MAGI2: variants seen among roughly 807,000 people sequenced by gnomAD.
MAGI2 encodes the protein membrane-associated guanylate kinase, WW and PDZ domain-containing protein 2.
MAGI2 carries 35 observed loss-of-function variants against 133.3 expected under a neutral mutation model. That is an observed-to-expected ratio of 0.26 (90% CI 0.20 to 0.35). The LOEUF is 0.35. MAGI2 is among the 10% of genes least tolerant of loss of function. The pLI, the probability that MAGI2 is intolerant of heterozygous loss-of-function variation, is 1.00. For missense variants in MAGI2, 1,636 were observed against 1,863.4 expected, an observed-to-expected ratio of 0.88 and a Z score of 2.25; for synonymous variants, 729 against 710.6, an observed-to-expected ratio of 1.03 and a Z score of -0.41.
In MAGI2 at chr7:78,141,522, GT is replaced by G. The variant is rs569508863; in HGVS notation, c.2846-6317del. Among the ~76,000 whole-genome samples the G allele has an allele frequency of 6.6e-4, 101 of 152,062 alleles. 2 individuals carry two copies. The East Asian group carries it at 0.016, about 24-fold the overall frequency. ...AAAAACATGTGTTTTGTATTTTAAA[GT>G]TTTTTTTGGTGGCAAAATTAAGAAA... On this transcript the variant is annotated intron_variant, in intron 16 of 21. Transcript: ENST00000354212.
At position 78,019,598 on chromosome 7, in the gene MAGI2, C is replaced by CGCGCCGCGT. The variant is rs1321668927; in HGVS notation, c.4076_4084dup (p.Ala1361_Arg1362insHisAlaAla). 5 of 981,148 alleles carry CGCGCCGCGT rather than the reference C, an allele frequency of 5.1e-6. No homozygotes were observed. The highest frequency in any genetic ancestry group is 1.8e-5 in the African/African-American group (1 of 56,524). 60.8% of individuals were successfully genotyped at this position (981,148 alleles called of 1,614,324 possible). A position where few individuals can be genotyped will look rare whatever the true frequency, so the allele number is the denominator to read the frequency against. On this transcript the variant is annotated inframe_insertion, in exon 22 of 22. Transcript: ENST00000354212. ...ACGGGGCGCCTCCTTCCCGCCCGCCCGCGCCGCGTCCGCCGCGTCTGCCGC... is the reference window on the plus strand; with the variant it reads ...ACGGGGCGCCTCCTTCCCGCCCGCCCGCGCCGCGTGCGCCGCGTCCGCCGCGTCTGCCGC...
chr7:79,420,742 G>C (rs1364003632), intron 1 of MAGI2, among the ~76,000 whole-genome samples: 1 of 151,790 alleles, frequency 6.6e-6, no homozygotes, highest in Non-Finnish European at 1.5e-5. Context: ...CTAATATTTA[G>C]TTAAGAACTC....
intron 2 of MAGI2, among the ~76,000 whole-genome samples, chr7:78,691,807 G>A (rs1334249668): frequency 6.6e-6 from 1 of 152,152 alleles, no homozygotes; most frequent in Non-Finnish European, 1.5e-5. Context: ...AAACTACCCT[G>A]TATGACACTA....
At chr7:78,551,709 C>T (rs375639203) in intron 3 of MAGI2, among the ~76,000 whole-genome samples, 5 of 152,160 alleles carry the variant, frequency 3.3e-5, no homozygotes, top group Admixed American at 1.3e-4. Flanking sequence ...AATTCCAACA[C>T]GAAGTATAAG....
At chr7:78,306,747 T>C (rs574550271) in intron 9 of MAGI2, among the ~76,000 whole-genome samples, 67 of 152,296 alleles carry the variant, frequency 4.4e-4, no homozygotes, top group African/African-American at 1.5e-3. Context: ...TCACATGTTC[T>C]CAATGGCCAT....
chr7:79,332,537 T>C (rs551010824), intron 1 of MAGI2, among the ~76,000 whole-genome samples: 12 of 152,290 alleles, frequency 7.9e-5, no homozygotes, highest in African/African-American at 2.9e-4. Context: ...TCCTATTAAA[T>C]GTAGAGTCAA....
At chr7:78,887,054 G>T (rs939823310) in intron 2 of MAGI2, among the ~76,000 whole-genome samples, 1 of 152,086 alleles carries the variant, frequency 6.6e-6, no homozygotes, top group East Asian at 1.9e-4. Flanking sequence ...AGCCATAATT[G>T]TAAGTTTCGT....
chr7:79,399,090 C>CTTTTTT (rs1337058211), intron 1 of MAGI2, among the ~76,000 whole-genome samples: 1 of 101,442 alleles, frequency 9.9e-6, no homozygotes, highest in African/African-American at 5.1e-5. Context: ...TTTTTTTTTT[C>CTTTTTT]TTTTCTTTTT....
At chr7:79,235,941 G>T (rs986287082) in intron 1 of MAGI2, among the ~76,000 whole-genome samples, 1 of 152,198 alleles carries the variant, frequency 6.6e-6, no homozygotes, top group African/African-American at 2.4e-5. Context: ...GTTGTTAAAA[G>T]GATGACAAAT....
chr7:78,650,812 C>T (rs765442284), intron 2 of MAGI2, among the ~76,000 whole-genome samples: 3 of 152,122 alleles, frequency 2.0e-5, no homozygotes, highest in Non-Finnish European at 2.9e-5. Context: ...AAGTGCTACT[C>T]GGCTGTAAGT....
chr7:78,993,045 AAAT>A (rs1161824569), intron 2 of MAGI2, among the ~76,000 whole-genome samples: 2 of 152,066 alleles, frequency 1.3e-5, no homozygotes, highest in African/African-American at 4.8e-5. Context: ...TCATACTTTT[AAAT>A]AATAAAGTTG....
rs532209264 is a variant in MAGI2 at position 79,129,439 on chromosome 7, T to G, written c.302-122233A>C. Reference sequence around the variant, plus strand: ...CTCCAAATGTGATTAACAAATAATGTTTTTTAGCACTTTGGTTAGCAACGT... The same window carrying G: ...CTCCAAATGTGATTAACAAATAATGGTTTTTAGCACTTTGGTTAGCAACGT... On this transcript the variant is annotated intron_variant, in intron 1 of 21. Transcript: ENST00000354212. Among the ~76,000 whole-genome samples the G allele has an allele frequency of 5.9e-5, 9 of 152,264 alleles. No individual in the cohort carries two copies. In the East Asian group the frequency reaches 1.4e-3, roughly 23 times the overall value.
intron 1 of MAGI2, among the ~76,000 whole-genome samples, chr7:79,047,299 T>C (rs1812259833): frequency 6.6e-6 from 1 of 152,110 alleles, no homozygotes; most frequent in South Asian, 2.1e-4. Context: ...TAAGGCACAA[T>C]GTGTATAATG....
chr7:78,740,632 A>T (rs1822319569), intron 2 of MAGI2, among the ~76,000 whole-genome samples: 1 of 152,236 alleles, frequency 6.6e-6, no homozygotes, highest in South Asian at 2.1e-4. Flanking sequence ...ATGCTCAGAA[A>T]TTCAGTTCAG....
intron 6 of MAGI2, among the ~76,000 whole-genome samples, chr7:78,479,536 T>C (rs1792142347): frequency 6.6e-6 from 1 of 151,902 alleles, no homozygotes; most frequent in Non-Finnish European, 1.5e-5. Flanking sequence ...TCAGGAGAAC[T>C]AAGCAGACCA....
chr7:78,671,065 C>G (rs559324696), intron 2 of MAGI2, among the ~76,000 whole-genome samples: 1 of 152,212 alleles, frequency 6.6e-6, no homozygotes, highest in Non-Finnish European at 1.5e-5. Context: ...CGAGAAAACA[C>G]CAAATGACAA....
At chr7:78,456,327 T>A (rs1789317907) in intron 6 of MAGI2, among the ~76,000 whole-genome samples, 1 of 152,198 alleles carries the variant, frequency 6.6e-6, no homozygotes, top group Non-Finnish European at 1.5e-5. Flanking sequence ...ATATTCTACC[T>A]TCCATCTCCC....
intron 9 of MAGI2, among the ~76,000 whole-genome samples, chr7:78,278,136 G>T (rs1183874644): frequency 6.6e-6 from 1 of 152,016 alleles, no homozygotes; most frequent in African/African-American, 2.4e-5. Flanking sequence ...AGCAAAGTAG[G>T]GTAAGAGATG....
At chr7:78,792,983 G>T (rs1300173474) in intron 2 of MAGI2, among the ~76,000 whole-genome samples, 1 of 152,188 alleles carries the variant, frequency 6.6e-6, no homozygotes, top group Non-Finnish European at 1.5e-5. Flanking sequence ...TGTCTTTCAG[G>T]CACATGCTAC....
Sources: gnomAD v4.1 joint callset for allele counts (sites outside exome capture counted in the v4.1 genomes callset) on GRCh38, gnomAD v4.1.1 for gene constraint, MANE v1.5 for transcripts, NCBI Gene and HGNC (gene_info 2026-07-23, HGNC 2026-07-21) for gene names.